The following FILIP1L variants were observed in gnomAD, a reference collection of about 807,000 sequenced individuals.
FILIP1L encodes filamin A-interacting protein 1-like.
A neutral mutation model predicts 96.6 loss-of-function variants in FILIP1L; 55 were observed. The observed-to-expected ratio is 0.57, with a 90% CI of 0.46 to 0.71. The LOEUF is 0.71. Ranked by LOEUF, FILIP1L falls within the 30% of genes least tolerant of loss-of-function variation. FILIP1L has a pLI of 0.00. For synonymous variants in FILIP1L, 467 were observed against 473.9 expected, an observed-to-expected ratio of 0.99 and a Z score of 0.19; for missense variants, 1,304 against 1,321.2, an observed-to-expected ratio of 0.99 and a Z score of 0.20.
chr3:100,057,438 A>G (rs1317294284), intron 1 of FILIP1L, among the ~76,000 whole-genome samples: 1 of 152,228 alleles, frequency 6.6e-6, no homozygotes, highest in African/African-American at 2.4e-5. Flanking sequence ...ATCTGCTTAT[A>G]AATTGGAATG....
In FILIP1L at chr3:100,069,499, TCTC is replaced by T. The variant is rs368329198; in HGVS notation, c.-11+44551_-11+44553del. Among the ~76,000 whole-genome samples, 681 of 152,164 alleles carry T rather than the reference TCTC, an allele frequency of 4.5e-3. 7 individuals are homozygous for T. The highest frequency in any genetic ancestry group is 0.016 in the African/African-American group (664 of 41,524). On this transcript the variant is annotated intron_variant, in intron 1 of 5. Coordinates refer to ENST00000477258, the MANE Select transcript of FILIP1L (RefSeq NM_001387850.1). ...TTCTTTTTGGAAAGACACTTTTTCT[TCTC>T]CTCTGATAGTGGTGTTTTGGATTTC...
At chr3:99,912,322 G>A (rs1706816141) in intron 4 of FILIP1L, among the ~76,000 whole-genome samples, 1 of 152,184 alleles carries the variant, frequency 6.6e-6, no homozygotes, top group Non-Finnish European at 1.5e-5. Flanking sequence ...AAGGAGATCA[G>A]TGGTTTCTAG....
chr3:99,997,403 A>T (rs980034133), intron 1 of FILIP1L, among the ~76,000 whole-genome samples: 8 of 152,238 alleles, frequency 5.3e-5, no homozygotes, highest in Non-Finnish European at 1.2e-4. Context: ...CAAGTGTATT[A>T]TTGGGAAAAT....
intron 4 of FILIP1L, among the ~76,000 whole-genome samples, chr3:99,918,973 C>A (rs1488568832): frequency 6.6e-6 from 1 of 152,178 alleles, no homozygotes; most frequent in African/African-American, 2.4e-5. Flanking sequence ...GAAATGATTG[C>A]ATTTGAGTAC....
intron 4 of FILIP1L, among the ~76,000 whole-genome samples, chr3:99,865,718 A>C (rs747410457): frequency 9.2e-5 from 14 of 152,054 alleles, no homozygotes; most frequent in Non-Finnish European, 1.9e-4. Context: ...TTTAACAGGC[A>C]GCCATTTCTC....
chr3:99,982,182 G>GTT (rs962460050), intron 1 of FILIP1L, among the ~76,000 whole-genome samples: 1 of 151,672 alleles, frequency 6.6e-6, no homozygotes, highest in Non-Finnish European at 1.5e-5. Flanking sequence ...TTTAGTATAT[G>GTT]TTTTTTTAAT....
At chr3:100,012,511 G>A (rs552202386) in intron 1 of FILIP1L, among the ~76,000 whole-genome samples, 3 of 152,274 alleles carry the variant, frequency 2.0e-5, no homozygotes, top group Non-Finnish European at 2.9e-5. Flanking sequence ...ATATCACTTA[G>A]TAAAGGGTAG....
At chr3:99,922,708 T>G (rs1005458035) in intron 4 of FILIP1L, among the ~76,000 whole-genome samples, 3 of 152,210 alleles carry the variant, frequency 2.0e-5, no homozygotes, top group African/African-American at 7.2e-5. Context: ...CAGTTTCATA[T>G]GGATGCTTAT....
intron 4 of FILIP1L, among the ~76,000 whole-genome samples, chr3:99,923,626 A>G (rs2107653408): frequency 6.6e-6 from 1 of 152,184 alleles, no homozygotes; most frequent in South Asian, 2.1e-4. Flanking sequence ...TCTCATCTGG[A>G]TATTTGCCTC....
chr3:100,081,185 A>T (rs559200956), intron 1 of FILIP1L, among the ~76,000 whole-genome samples: 3 of 152,320 alleles, frequency 2.0e-5, no homozygotes, highest in African/African-American at 4.8e-5. Flanking sequence ...CTCTCTCAAG[A>T]TGGAACTTCA....
rs762179428 is a variant in FILIP1L, at chr3:99,848,899, C to T, written c.2777G>A (p.Ser926Asn). 3.1e-6 allele frequency: 5 copies of T among 1,614,020 alleles called. No homozygotes were observed. Among genetic ancestry groups the T allele is most frequent in the East Asian group, 4.5e-5 (2 of 44,892 alleles). ...TLEITSPTTE[S>N]PHSYTSTAVI... is the part of the protein sequence containing the mutation. ...TGCAGTACTCGTGTAAGAGTGAGGA[C>T]TCTCTGTGGTTGGACTTGTGATTTC... is the stretch of plus-strand genomic sequence containing the variant. The change falls in exon 5 of 6, where the codon AGT becomes AAT. Residue 926 changes from serine to asparagine, a missense_variant. Coordinates refer to ENST00000477258, the MANE Select transcript of FILIP1L (RefSeq NM_001387850.1).
At chr3:100,069,843 G>T (rs1485801616) in intron 1 of FILIP1L, among the ~76,000 whole-genome samples, 1 of 152,088 alleles carries the variant, frequency 6.6e-6, no homozygotes. Context: ...ACGAGAGGGA[G>T]CTGATATCTA....
intron 1 of FILIP1L, among the ~76,000 whole-genome samples, chr3:100,111,154 A>G (rs2066484114): frequency 6.6e-6 from 1 of 152,180 alleles, no homozygotes; most frequent in Non-Finnish European, 1.5e-5. Context: ...TGAATTTTCA[A>G]GGGCCAGAAG....
intron 4 of FILIP1L, among the ~76,000 whole-genome samples, chr3:99,909,734 G>A (rs1483710796): frequency 6.6e-6 from 1 of 152,128 alleles, no homozygotes; most frequent in Admixed American, 6.5e-5. Flanking sequence ...ACTTAAAGTT[G>A]CTATCAGTTA....
At chr3:99,983,450 A>G (rs1464299813) in intron 1 of FILIP1L, among the ~76,000 whole-genome samples, 116 of 10,034 alleles carry the variant, frequency 0.012, 1 homozygote, top group African/African-American at 0.03. Flanking sequence ...ATGTATGTAT[A>G]TATATATATG....
intron 1 of FILIP1L, among the ~76,000 whole-genome samples, chr3:100,110,291 C>T (rs1029753020): frequency 5.9e-5 from 9 of 151,976 alleles, no homozygotes; most frequent in Non-Finnish European, 1.2e-4. Context: ...AGCTGGTGTC[C>T]CTAGTCACAA....
At chr3:99,973,846 T>C (rs188888509) in intron 1 of FILIP1L, among the ~76,000 whole-genome samples, 91 of 152,286 alleles carry the variant, frequency 6.0e-4, no homozygotes, top group African/African-American at 2.2e-3. Flanking sequence ...TTGTTGGTGG[T>C]GGGTGGAGGG....
intron 1 of FILIP1L, among the ~76,000 whole-genome samples, chr3:100,033,875 G>T (rs1479958223): frequency 6.6e-6 from 1 of 152,070 alleles, no homozygotes; most frequent in Non-Finnish European, 1.5e-5. Flanking sequence ...TGAACATCTA[G>T]TACAAAAGTG....
intron 1 of FILIP1L, among the ~76,000 whole-genome samples, chr3:100,081,007 A>C (rs1203117916): frequency 6.6e-6 from 1 of 152,190 alleles, no homozygotes; most frequent in African/African-American, 2.4e-5. Flanking sequence ...TTATTTATTC[A>C]AGAACTATCT....
Sources: gnomAD v4.1 joint callset for allele counts (sites outside exome capture counted in the v4.1 genomes callset) on GRCh38, gnomAD v4.1.1 for gene constraint, MANE v1.5 for transcripts, NCBI Gene and HGNC (gene_info 2026-07-23, HGNC 2026-07-21) for gene names.